SLC15A2: variants seen among roughly 807,000 people sequenced by gnomAD.
SLC15A2 encodes the protein solute carrier family 15 member 2, also known as kidney H(+)/peptide cotransporter.
In SLC15A2, 77 loss-of-function variants were observed where a neutral mutation model predicts 95.5. The ratio of observed to expected loss-of-function variants is 0.81; its 90% confidence interval spans 0.67 to 0.97. The LOEUF is 0.97. Ranked by LOEUF, SLC15A2 falls within the 50% of genes least tolerant of loss-of-function variation. The pLI, the probability that SLC15A2 is intolerant of heterozygous loss-of-function variation, is 0.00. For synonymous variants in SLC15A2, 306 were observed against 306.9 expected (o/e 1.00, Z 0.03); for missense variants, 893 against 874.4 (o/e 1.02, Z -0.27).
intron 19 of SLC15A2, among the ~76,000 whole-genome samples, chr3:121,934,035 C>T (rs1319099668): frequency 6.6e-6 from 1 of 151,580 alleles, no homozygotes; most frequent in Admixed American, 6.6e-5. Flanking sequence ...TTCCCCATTG[C>T]TTGTTTTTCT....
At chr3:121,922,384 G>A (rs1710023839) in intron 8 of SLC15A2, 82 bp downstream of exon 8, 2 of 1,102,362 alleles carry the variant, frequency 1.8e-6, no homozygotes, top group Non-Finnish European at 2.7e-6. Flanking sequence ...TCAAACGTGG[G>A]CATACATTTT....
chr3:121,897,609 A>G, intron 3 of SLC15A2, 80 bp downstream of exon 3: 1 of 1,422,686 alleles, frequency 7.0e-7, no homozygotes, highest in South Asian at 1.2e-5. Flanking sequence ...CTTGCTTCTG[A>G]GTAAGAACAT....
chr3:121,922,172 A>C, intron 7 of SLC15A2, 48 bp from the exon 8 acceptor site: 1 of 1,518,136 alleles, frequency 6.6e-7, no homozygotes, highest in Non-Finnish European at 9.1e-7. Flanking sequence ...CCTTTGCACC[A>C]ACCTAATAAA....
intron 19 of SLC15A2, among the ~76,000 whole-genome samples, chr3:121,935,342 T>C (rs1303483249): frequency 0.026 from 3,930 of 152,064 alleles, 153 homozygotes; most frequent in African/African-American, 0.09. Context: ...AGGAATGGTA[T>C]CAGTTCCTCC....
intron 8 of SLC15A2, 47 bp from the exon 9 acceptor site, chr3:121,922,728 G>C: frequency 7.2e-7 from 1 of 1,391,204 alleles, no homozygotes; most frequent in Non-Finnish European, 1.0e-6. Context: ...AAAGGCAGAG[G>C]ATGTTTTTCT....
chr3:121,905,707 G>C lies in SLC15A2; in HGVS notation c.336-5867G>C, dbSNP rs1342833303. Among the ~76,000 whole-genome samples, 5 of 152,314 alleles carry C rather than the reference G, an allele frequency of 3.3e-5. No individual in the cohort carries two copies. The East Asian group carries it at 9.6e-4, about 29-fold the overall frequency. ...TTCTAATTTGATTGCACTGTGTTCT[G>C]AGAGACAGTTTGTTGTGATTTCTGT... On this transcript the variant is annotated intron_variant, in intron 3 of 21. Coordinates refer to ENST00000489711, the MANE Select transcript of SLC15A2 (RefSeq NM_021082.4).
intron 1 of SLC15A2, 65 bp downstream of exon 1, chr3:121,894,646 G>C: frequency 8.1e-7 from 1 of 1,238,452 alleles, no homozygotes; most frequent in Non-Finnish European, 1.2e-6. Flanking sequence ...TCTCTTCCTT[G>C]GGCTCTGGAG....
intron 7 of SLC15A2, among the ~76,000 whole-genome samples, chr3:121,918,327 T>A (rs1410361756): frequency 6.6e-6 from 1 of 152,182 alleles, no homozygotes; most frequent in Non-Finnish European, 1.5e-5. Context: ...GGTTATTAAC[T>A]GAGCTAGTGA....
At chr3:121,903,744 GT>G (rs1340040276) in intron 3 of SLC15A2, among the ~76,000 whole-genome samples, 1 of 152,150 alleles carries the variant, frequency 6.6e-6, no homozygotes, top group Non-Finnish European at 1.5e-5. Context: ...TGCTGTTTTG[GT>G]TACTGTCGCC....
rs767394021 is a variant in SLC15A2 at position 121,931,626 on chromosome 3, C to T, written c.1665-13C>T. On this transcript the variant is annotated splice_polypyrimidine_tract_variant and intron_variant, in intron 18 of 21. Transcript: ENST00000489711. ...CTTGATATTTATTCTAACCTAAATT[C>T]ATCCTGTTCCAGATACCCTGCAGTG... 2.1e-5 allele frequency: 33 copies of T among 1,566,100 alleles called. No homozygotes were observed. The highest frequency in any genetic ancestry group is 2.8e-5 in the Non-Finnish European group (32 of 1,136,928).
At chr3:121,932,839 C>A in intron 19 of SLC15A2, among the ~76,000 whole-genome samples, 1 of 151,988 alleles carries the variant, frequency 6.6e-6, no homozygotes, top group Non-Finnish European at 1.5e-5. Flanking sequence ...TATACATGTG[C>A]CATGCTGGTG....
intron 3 of SLC15A2, among the ~76,000 whole-genome samples, chr3:121,905,227 G>C (rs527439595): frequency 2.0e-5 from 3 of 152,148 alleles, no homozygotes; most frequent in Non-Finnish European, 4.4e-5. Context: ...GTATCTATTT[G>C]ATTCTTCTCT....
In SLC15A2 at chr3:121,897,492, G is replaced by T. The variant is rs1379103827; in HGVS notation, c.298G>T (p.Gly100Ter). 6.2e-7 allele frequency: 1 copy of T among 1,613,698 alleles called. No individual in the cohort carries two copies. Among genetic ancestry groups the T allele is most frequent in the Non-Finnish European group, 8.5e-7 (1 of 1,179,954 alleles). Reference sequence around the variant, plus strand: ...CCTCTGTTATTTTACTCCCATCCTGGGAGCAGCCATTGCTGACTCGTGGTT... The same window carrying T: ...CCTCTGTTATTTTACTCCCATCCTGTGAGCAGCCATTGCTGACTCGTGGTT... Reference protein sequence around the residue: ...SSLCYFTPILGAAIADSWLGK... With the variant: ...SSLCYFTPIL Residue 100 changes from glycine (G) to a stop codon, truncating the protein, a stop_gained, in exon 3 of 22, where the codon GGA (glycine) becomes TGA (stop). Coordinates refer to ENST00000489711, the MANE Select transcript of SLC15A2 (RefSeq NM_021082.4). LOFTEE classifies it high-confidence loss of function.
chr3:121,931,065 G>A lies in SLC15A2; in HGVS notation c.1664+115G>A, dbSNP rs1017442560. 9.2e-5 allele frequency: 60 copies of A among 653,010 alleles called. 1 individual carries two copies. The East Asian group carries it at 1.4e-3, about 16-fold the overall frequency. 40.5% of individuals were successfully genotyped at this position (653,010 alleles called of 1,614,324 possible). A position where few individuals can be genotyped will look rare whatever the true frequency, so the allele number is the denominator to read the frequency against. ...ATGTGGTCTAATTTTGAGTATAGAC[G>A]CACTACTGATCTTTTCCAACTCTTG... On this transcript the variant is annotated intron_variant, in intron 18 of 21. Coordinates refer to ENST00000489711, the MANE Select transcript of SLC15A2 (RefSeq NM_021082.4).
chr3:121,913,485 G>A (rs1197059128), intron 5 of SLC15A2, among the ~76,000 whole-genome samples: 1 of 152,192 alleles, frequency 6.6e-6, no homozygotes, highest in Non-Finnish European at 1.5e-5. Context: ...TGTTTTGCTT[G>A]ATGGGTGGAA....
At chr3:121,906,259 C>T (rs1174315491) in intron 3 of SLC15A2, among the ~76,000 whole-genome samples, 2 of 152,164 alleles carry the variant, frequency 1.3e-5, no homozygotes, top group African/African-American at 4.8e-5. Flanking sequence ...TGTCTCTGCA[C>T]ATGAGATGGT....
intron 7 of SLC15A2, among the ~76,000 whole-genome samples, chr3:121,920,950 G>C (rs948374782): frequency 2.6e-5 from 4 of 152,182 alleles, no homozygotes; most frequent in African/African-American, 9.7e-5. Flanking sequence ...ATCTGGGAGG[G>C]AACCAAGATG....
In SLC15A2 at chr3:121,941,047, T is replaced by C; in HGVS notation, c.*40T>C. 1 of 1,571,956 alleles carries C rather than the reference T, an allele frequency of 6.4e-7. No homozygotes were observed. Among genetic ancestry groups the C allele is most frequent in the Non-Finnish European group, 8.6e-7 (1 of 1,159,656 alleles). On this transcript the variant is annotated 3_prime_UTR_variant, in exon 22 of 22. Coordinates refer to ENST00000489711, the MANE Select transcript of SLC15A2 (RefSeq NM_021082.4). ...CTGTCCTGACCCCAATTCCTGGCCC[T>C]GTCTTGAAGCATTTTTTTTCTTCTA...
chr3:121,922,386 A>C (rs973921823), intron 8 of SLC15A2, 84 bp downstream of exon 8: 1 of 1,092,542 alleles, frequency 9.2e-7, no homozygotes, highest in Admixed American at 2.0e-5. Context: ...AAACGTGGGC[A>C]TACATTTTTC....
Sources: allele counts gnomAD v4.1 joint callset (sites outside exome capture counted in the v4.1 genomes callset), GRCh38; gene constraint gnomAD v4.1.1; transcripts MANE v1.5; gene names NCBI Gene and HGNC (gene_info 2026-07-23, HGNC 2026-07-21).